Variants in MYH7B observed in about 807,000 individuals in gnomAD.
MYH7B encodes myosin-7B.
A neutral mutation model predicts 234.5 loss-of-function variants in MYH7B; 205 were observed. The ratio of observed to expected loss-of-function variants is 0.87; its 90% CI spans 0.78 to 0.98. The LOEUF (loss-of-function observed/expected upper bound fraction) is 0.98, where lower values mean the gene tolerates loss of function less well. Among genes scored for constraint, MYH7B ranks in the 50% least tolerant of loss-of-function variants. The pLI, the probability that MYH7B is intolerant of heterozygous loss-of-function variation, is 0.00. For synonymous variants in MYH7B, 1,193 were observed against 1,105.0 expected (o/e 1.08, Z -1.58); for missense variants, 2,652 against 2,633.4 (o/e 1.01, Z -0.15).
chr20:34,988,806 C>CCTTTTTTTTTTTTTTTTTTT (rs1569046104), intron 19 of MYH7B, among the ~76,000 whole-genome samples: 1 of 113,234 alleles, frequency 8.8e-6, no homozygotes. Flanking sequence ...TCCTTTATCC[C>CCTTTTTTTTTTTTTTTTTTT]TTTTTTTTTT....
intron 2 of MYH7B, among the ~76,000 whole-genome samples, chr20:34,963,887 T>C (rs1483738736): frequency 6.6e-6 from 1 of 152,194 alleles, no homozygotes; most frequent in Non-Finnish European, 1.5e-5. Flanking sequence ...TGCTTTTCTC[T>C]TTCAGTGTTA....
exon 43 of MYH7B, chr20:35,001,462 T>C (rs934749511): frequency 1.5e-5 from 24 of 1,608,690 alleles, no homozygotes; most frequent in African/African-American, 2.7e-5. Context: ...CTGGCTCGCA[T>C]GCAGGACCTG....
At chr20:34,979,891 G>C in intron 7 of MYH7B, 87 bp downstream of exon 7, 1 of 1,434,326 alleles carries the variant, frequency 7.0e-7, no homozygotes, top group South Asian at 1.2e-5. Flanking sequence ...GGCCCATAGC[G>C]GTGGGGCGGG....
At chr20:34,989,088 G>A (rs1477441031) in intron 19 of MYH7B, among the ~76,000 whole-genome samples, 1 of 152,230 alleles carries the variant, frequency 6.6e-6, no homozygotes, top group Non-Finnish European at 1.5e-5. Context: ...GGGATTACAG[G>A]CGTGGGCCAC....
chr20:34,997,696 C>T (rs913195536), intron 32 of MYH7B, 56 bp downstream of exon 32: 126 of 1,595,146 alleles, frequency 7.9e-5, no homozygotes, highest in Admixed American at 2.2e-4. Flanking sequence ...ATCCCGATCC[C>T]AGCAGCCAAT....
Position 34,990,318 on chromosome 20 carries a change from C to T in MYH7B, c.1977+8C>T, listed in dbSNP as rs1219235019. On this transcript the variant is annotated splice_region_variant and intron_variant, in intron 22 of 44. Coordinates refer to ENST00000262873, the Ensembl canonical transcript of MYH7B. The stretch of plus-strand genomic sequence containing the variant: ...GTGTCCCAGCTGCACAAGGTAAGGC[C>T]CCATCTGGGAGACAGACCCTCCCTC... 1 of 1,614,094 alleles carries T rather than the reference C, an allele frequency of 6.2e-7. No individual in the cohort carries two copies. The highest frequency in any genetic ancestry group is 8.5e-7 in the Non-Finnish European group (1 of 1,180,004).
chr20:35,001,708 G>A, intron 43 of MYH7B, 182 bp downstream of exon 43: 3 of 808,234 alleles, frequency 3.7e-6, no homozygotes, highest in Non-Finnish European at 5.8e-6. Flanking sequence ...CAGACCCCAT[G>A]TGCTTTCCCC....
Position 34,996,470 on chromosome 20 carries a change from G to A in MYH7B, c.3068G>A (p.Arg1023His), listed in dbSNP as rs556514656. 24 of 1,613,088 alleles carry A rather than the reference G, an allele frequency of 1.5e-5. No individual in the cohort carries two copies. In the South Asian group the frequency reaches 1.5e-4, roughly 10 times the overall value. The change falls in exon 29 of 45, where the codon CGT becomes CAT. Residue 1023 changes from arginine (R) to histidine (H), a missense_variant. By Grantham distance (29) the Arg-to-His change is conservative. This residue lies in a region of MYH7B where 2,279 missense variants were observed against 2,211.4 expected (regional missense o/e 1.03). Transcript: ENST00000262873. Reference sequence around the variant, plus strand: ...GGTGACCTGCAGGCCGAGGAGGACCGTGTGAGCGCGCTGACCAAGGCCAAG... The same window carrying A: ...GGTGACCTGCAGGCCGAGGAGGACCATGTGAGCGCGCTGACCAAGGCCAAG...
intron 2 of MYH7B, among the ~76,000 whole-genome samples, chr20:34,971,448 T>C (rs17092195): frequency 0.36 from 53,744 of 150,010 alleles, 10,836 homozygotes; most frequent in African/African-American, 0.55. Context: ...ATCTCTCCTC[T>C]GGATAAACAG....
In MYH7B at chr20:35,000,759, T is replaced by C. The variant is rs769011258; in HGVS notation, c.5179-9T>C. On this transcript the variant is annotated splice_polypyrimidine_tract_variant and intron_variant, in intron 39 of 44. Transcript: ENST00000262873. ...GGCTGGCTGGCTCTGAGACTCCTCT[T>C]CCCCTCAGAACACAGGCCTCCTAAA... 6.2e-7 allele frequency: 1 copy of C among 1,611,246 alleles called. No individual in the cohort carries two copies. Among genetic ancestry groups the C allele is most frequent in the Non-Finnish European group, 8.5e-7 (1 of 1,178,762 alleles).
exon 23 of MYH7B, chr20:34,990,792 C>A (rs760762396): frequency 6.2e-7 from 1 of 1,614,054 alleles, no homozygotes; most frequent in Admixed American, 1.7e-5. Flanking sequence ...CCACTTCGTC[C>A]GCTGCATTGT....
At chr20:34,973,227 C>A (rs2081809127) in intron 2 of MYH7B, among the ~76,000 whole-genome samples, 1 of 152,194 alleles carries the variant, frequency 6.6e-6, no homozygotes, top group Non-Finnish European at 1.5e-5. Context: ...CCACCTTGGC[C>A]TCCAAAAGTG....
intron 2 of MYH7B, among the ~76,000 whole-genome samples, chr20:34,961,095 C>G (rs2081693227): frequency 6.6e-6 from 1 of 152,144 alleles, no homozygotes; most frequent in Non-Finnish European, 1.5e-5. Flanking sequence ...CTAACAGGTT[C>G]CCAGTCCGGC....
Position 34,994,238 on chromosome 20 carries a change from T to C in MYH7B, c.2537T>C (p.Leu846Pro), listed in dbSNP as rs751120348. 3.0e-5 allele frequency: 49 copies of C among 1,613,080 alleles called. No homozygotes were observed. The highest frequency in any genetic ancestry group is 3.8e-5 in the Non-Finnish European group (45 of 1,179,952). Residue 846 changes from leucine to proline, a missense_variant, in exon 27 of 45, where the codon CTG becomes CCG. This residue lies in a region of MYH7B where 2,279 missense variants were observed against 2,211.4 expected (regional missense o/e 1.03). Transcript: ENST00000262873. ...AAGCTCTTTTTCAAGATGAAGCCGC[T>C]GCTGCGCTCGGCGCAGGCTGAGGAG... is the stretch of plus-strand genomic sequence containing the variant.
At chr20:34,962,940 A>T (rs1490400271) in intron 2 of MYH7B, among the ~76,000 whole-genome samples, 1 of 152,202 alleles carries the variant, frequency 6.6e-6, no homozygotes, top group Non-Finnish European at 1.5e-5. Context: ...TCTACTAAAA[A>T]TACAAAAATT....
chr20:34,969,989 T>C (rs1284013216), intron 2 of MYH7B, among the ~76,000 whole-genome samples: 2 of 152,108 alleles, frequency 1.3e-5, no homozygotes, highest in Non-Finnish European at 2.9e-5. Flanking sequence ...AGGAGGTAGG[T>C]CCTGTTTGTG....
In MYH7B at chr20:34,985,245, C is replaced by T. The variant is rs553224987; in HGVS notation, c.805+116C>T. On this transcript the variant is annotated intron_variant, in intron 13 of 44. Coordinates refer to ENST00000262873, the Ensembl canonical transcript of MYH7B. ...TGCCTGCTCTGGGCACTTCTCTCTA[C>T]CCCCTGGCTGCTGCCCAGCTCAGGC... 78 of 966,364 alleles carry T rather than the reference C, an allele frequency of 8.1e-5. No homozygotes were observed. In the Middle Eastern group the frequency reaches 8.3e-4, roughly 10 times the overall value. 59.9% of individuals were successfully genotyped at this position (966,364 alleles called of 1,614,324 possible). A position where few individuals can be genotyped will look rare whatever the true frequency, so the allele number is the denominator to read the frequency against.
At chr20:34,963,786 C>A (rs2081719483) in intron 2 of MYH7B, among the ~76,000 whole-genome samples, 1 of 151,816 alleles carries the variant, frequency 6.6e-6, no homozygotes, top group South Asian at 2.1e-4. Flanking sequence ...GCATTTTTAC[C>A]CTCCTATTAG....
At chr20:34,970,378 C>T (rs1378169107) in intron 2 of MYH7B, among the ~76,000 whole-genome samples, 2 of 152,228 alleles carry the variant, frequency 1.3e-5, no homozygotes, top group Non-Finnish European at 2.9e-5. Context: ...TGTTCAGACA[C>T]ACCCTGGTCC....
Sources: gnomAD v4.1 joint callset for allele counts (sites outside exome capture counted in the v4.1 genomes callset) on GRCh38, gnomAD v4.1.1 for gene constraint, gnomAD v4.1.1 regional missense constraint, MANE v1.5 for transcripts, NCBI Gene and HGNC (gene_info 2026-07-23, HGNC 2026-07-21) for gene names.